Variants in NXPE4 observed in about 807,000 individuals in gnomAD.
NXPE4 encodes the protein NXPE family member 4.
A neutral mutation model predicts 33.3 loss-of-function variants in NXPE4; 42 were observed. That is an observed-to-expected ratio of 1.26 (90% CI 0.98 to 1.63). The LOEUF (loss-of-function observed/expected upper bound fraction) is 1.63, where lower values mean the gene tolerates loss of function less well. Ranked by LOEUF, NXPE4 falls within the 40% of genes most tolerant of loss-of-function variation. NXPE4 has a pLI of 0.00. For synonymous variants in NXPE4, 253 were observed against 234.9 expected, an observed-to-expected ratio of 1.08 and a Z score of -0.71; for missense variants, 709 against 647.6, an observed-to-expected ratio of 1.09 and a Z score of -1.03.
At chr11:114,583,847 C>A in intron 2 of NXPE4, 1 of 392,834 alleles carries the variant, frequency 2.5e-6, no homozygotes, top group Non-Finnish European at 4.9e-6. Flanking sequence ...TGTGTCCTTT[C>A]ATAAATATGG....
At chr11:114,626,151 G>A in the NXPE4 span, among the ~76,000 whole-genome samples, 6 of 152,304 alleles carry the variant, frequency 3.9e-5, no homozygotes, top group African/African-American at 1.2e-4. Context: ...CAGCCGGGAA[G>A]CTCGAACTGG....
the NXPE4 span, among the ~76,000 whole-genome samples, chr11:114,636,948 G>T: frequency 6.6e-6 from 1 of 152,122 alleles, no homozygotes; most frequent in African/African-American, 2.4e-5. Flanking sequence ...TGTTGATTTG[G>T]GGTGGAGAGT....
the NXPE4 span, among the ~76,000 whole-genome samples, chr11:114,664,286 G>T: frequency 6.6e-6 from 1 of 152,092 alleles, no homozygotes; most frequent in Non-Finnish European, 1.5e-5. Context: ...TCTGGAAAAG[G>T]CAAAACCATC....
the NXPE4 span, among the ~76,000 whole-genome samples, chr11:114,659,337 G>A: frequency 6.6e-6 from 1 of 152,030 alleles, no homozygotes; most frequent in African/African-American, 2.4e-5. Flanking sequence ...TCATCAAGAT[G>A]AAGTATCGTT....
At chr11:114,579,220 C>G (rs1242775829) in intron 5 of NXPE4, among the ~76,000 whole-genome samples, 3 of 152,098 alleles carry the variant, frequency 2.0e-5, no homozygotes, top group Non-Finnish European at 4.4e-5. Flanking sequence ...ACAACCAGTT[C>G]TCACATGAAC....
chr11:114,669,857 C>A, the NXPE4 span, among the ~76,000 whole-genome samples: 31 of 152,068 alleles, frequency 2.0e-4, no homozygotes, highest in African/African-American at 7.0e-4. Flanking sequence ...ATTATTGGAA[C>A]ACTAAGCATG....
Position 114,594,764 on chromosome 11 carries a change from AGGAT to A in NXPE4, c.-9_-6del. The A allele has an allele frequency of 7.1e-7, 1 of 1,409,474 alleles. No homozygotes were observed. Among genetic ancestry groups the A allele is most frequent in the Non-Finnish European group, 1.0e-6 (1 of 1,003,272 alleles). 87.3% of individuals were successfully genotyped at this position (1,409,474 alleles called of 1,614,324 possible). A position where few individuals can be genotyped will look rare whatever the true frequency, so the allele number is the denominator to read the frequency against. On this transcript the variant is annotated splice_region_variant and 5_prime_UTR_variant, in exon 2 of 6. Transcript: ENST00000375478. ...ATTTATCATACTTATTTTCATGATT[AGGAT>A]CCTACAAGAGACAATACAAAAACAA...
chr11:114,657,282 G>T, the NXPE4 span, among the ~76,000 whole-genome samples: 1 of 152,112 alleles, frequency 6.6e-6, no homozygotes, highest in Non-Finnish European at 1.5e-5. Flanking sequence ...TCTTAGCCAG[G>T]GGTCCCCTTG....
At position 114,583,646 on chromosome 11, in the gene NXPE4, G is replaced by A. The variant is rs534393774; in HGVS notation, c.97-625C>T. On this transcript the variant is annotated intron_variant, in intron 2 of 5. Coordinates refer to ENST00000375478, the MANE Select transcript of NXPE4 (RefSeq NM_001077639.2). ...ACTTAATGAGCAGCAGATGGACACT[G>A]CTGTGAATTGGGCTGGAGGCCTGCA... is the stretch of plus-strand genomic sequence containing the variant. 1.5e-4 allele frequency: 89 copies of A among 589,140 alleles called. No homozygotes were observed. In the African/African-American group the frequency reaches 1.6e-3, roughly 10 times the overall value. The allele number at this position is 589,140 out of a possible 1,614,324, so 36.5% of individuals were successfully genotyped here. A position where few individuals can be genotyped will look rare whatever the true frequency, so the allele number is the denominator to read the frequency against.
chr11:114,617,109 C>T, the NXPE4 span, among the ~76,000 whole-genome samples: 2 of 152,002 alleles, frequency 1.3e-5, no homozygotes, highest in African/African-American at 2.4e-5. Flanking sequence ...AGTGTTGCCT[C>T]GTGGGTAACC....
chr11:114,675,696 C>G, the NXPE4 span, among the ~76,000 whole-genome samples: 7 of 151,792 alleles, frequency 4.6e-5, no homozygotes, highest in African/African-American at 1.7e-4. Flanking sequence ...ACAGATTTAA[C>G]GTCATCTTTA....
chr11:114,655,627 A>G, the NXPE4 span, among the ~76,000 whole-genome samples: 1 of 152,170 alleles, frequency 6.6e-6, no homozygotes, highest in East Asian at 1.9e-4. Flanking sequence ...GGAAGATCAG[A>G]TGGTTGTAGA....
the NXPE4 span, among the ~76,000 whole-genome samples, chr11:114,619,004 G>A: frequency 6.6e-6 from 1 of 152,060 alleles, no homozygotes; most frequent in Non-Finnish European, 1.5e-5. Flanking sequence ...TGCTTCTAGG[G>A]TAACCACTGT....
the NXPE4 span, among the ~76,000 whole-genome samples, chr11:114,634,298 T>C: frequency 6.6e-6 from 1 of 152,096 alleles, no homozygotes; most frequent in Non-Finnish European, 1.5e-5. Context: ...TTGCCCACTT[T>C]TTGATAGAGT....
At chr11:114,617,950 G>A in the NXPE4 span, among the ~76,000 whole-genome samples, 18 of 150,880 alleles carry the variant, frequency 1.2e-4, no homozygotes, top group African/African-American at 3.4e-4. Flanking sequence ...GTATTGCCTC[G>A]TGGGAAACCA....
At chr11:114,628,403 C>T in the NXPE4 span, among the ~76,000 whole-genome samples, 2 of 152,184 alleles carry the variant, frequency 1.3e-5, no homozygotes, top group African/African-American at 4.8e-5. Flanking sequence ...AACTGAACAA[C>T]CTGCTTCTGA....
chr11:114,674,114 C>A, the NXPE4 span, among the ~76,000 whole-genome samples: 1 of 106,814 alleles, frequency 9.4e-6, no homozygotes, highest in Non-Finnish European at 2.1e-5. Context: ...AACAAACAAA[C>A]AAACAAACAA....
intron 4 of NXPE4, 47 bp from the exon 5 acceptor site, chr11:114,580,385 C>T (rs533028199): frequency 6.5e-7 from 1 of 1,536,268 alleles, no homozygotes; most frequent in African/African-American, 1.4e-5. Flanking sequence ...ATCAAATTAC[C>T]CGTCAGTATG....
the NXPE4 span, among the ~76,000 whole-genome samples, chr11:114,654,297 C>G: frequency 6.6e-6 from 1 of 151,992 alleles, no homozygotes; most frequent in Non-Finnish European, 1.5e-5. Context: ...CACATTCAAG[C>G]TACCGGATCT....
Sources: allele counts gnomAD v4.1 joint callset (sites outside exome capture counted in the v4.1 genomes callset), GRCh38; gene constraint gnomAD v4.1.1; transcripts MANE v1.5; gene names NCBI Gene and HGNC (gene_info 2026-07-23, HGNC 2026-07-21).